DGKB: variants seen among roughly 807,000 people sequenced by gnomAD.
The protein encoded by DGKB is diacylglycerol kinase beta.
A neutral mutation model predicts 114.3 loss-of-function variants in DGKB; 67 were observed. The ratio of observed to expected loss-of-function variants is 0.59; its 90% CI spans 0.48 to 0.72. The LOEUF (loss-of-function observed/expected upper bound fraction) is 0.72. Among genes scored for constraint, DGKB ranks in the 30% least tolerant of loss-of-function variants. The probability of loss-of-function intolerance (pLI) is 0.00; values close to 1 mark genes in which losing one functional copy is unlikely to be tolerated. For synonymous variants in DGKB, 398 were observed against 323.1 expected, an observed-to-expected ratio of 1.23 and a Z score of -2.49; for missense variants, 907 against 975.2, an observed-to-expected ratio of 0.93 and a Z score of 0.93.
chr7:14,296,474 T>A (rs1300518844), intron 23 of DGKB, among the ~76,000 whole-genome samples: 1 of 152,214 alleles, frequency 6.6e-6, no homozygotes, highest in African/African-American at 2.4e-5. Flanking sequence ...TATGTGTGCA[T>A]CTGTCTTTAT....
chr7:14,196,169 G>C (rs1231554738), intron 23 of DGKB, among the ~76,000 whole-genome samples: 2 of 152,064 alleles, frequency 1.3e-5, no homozygotes, highest in Admixed American at 6.6e-5. Context: ...GAGTTTTGCT[G>C]TTAATGCAGG....
intron 23 of DGKB, among the ~76,000 whole-genome samples, chr7:14,231,463 CTATT>C (rs969221290): frequency 6.6e-6 from 1 of 151,722 alleles, no homozygotes; most frequent in African/African-American, 2.4e-5. Flanking sequence ...CTACAAAAAA[CTATT>C]TAATAAAAAT....
At chr7:14,739,417 T>G (rs1420210019) in intron 4 of DGKB, among the ~76,000 whole-genome samples, 1 of 152,206 alleles carries the variant, frequency 6.6e-6, no homozygotes, top group East Asian at 1.9e-4. Context: ...AATCTTGGCC[T>G]CTTCAGCTCA....
chr7:14,913,245 G>A (rs1024532019), intron 1 of DGKB, among the ~76,000 whole-genome samples: 12 of 151,544 alleles, frequency 7.9e-5, no homozygotes, highest in Admixed American at 3.3e-4. Context: ...TTCACACTCC[G>A]CTCTGTTCTC....
intron 2 of DGKB, among the ~76,000 whole-genome samples, chr7:14,791,942 C>A (rs1225338116): frequency 6.6e-6 from 1 of 151,860 alleles, no homozygotes; most frequent in Admixed American, 6.6e-5. Context: ...TATTTTTACT[C>A]TTTGGTTCTG....
chr7:14,837,275 C>G (rs1847288685), intron 2 of DGKB, among the ~76,000 whole-genome samples: 1 of 152,076 alleles, frequency 6.6e-6, no homozygotes, highest in Non-Finnish European at 1.5e-5. Flanking sequence ...TTAAGAAAAG[C>G]CTAGCATTTA....
At chr7:14,703,882 T>C (rs577429421) in intron 6 of DGKB, among the ~76,000 whole-genome samples, 2 of 152,202 alleles carry the variant, frequency 1.3e-5, no homozygotes, top group Non-Finnish European at 2.9e-5. Flanking sequence ...TTCCCAAGGA[T>C]AGTGTGTACT....
chr7:14,738,331 T>G (rs560364935), intron 4 of DGKB, among the ~76,000 whole-genome samples: 128 of 152,332 alleles, frequency 8.4e-4, no homozygotes, highest in Non-Finnish European at 1.6e-3. Flanking sequence ...TAGCGCTTCC[T>G]TCTGTTCCTA....
chr7:14,597,752 T>C (rs35623801), intron 17 of DGKB, among the ~76,000 whole-genome samples: 428 of 152,070 alleles, frequency 2.8e-3, no homozygotes, highest in South Asian at 6.8e-3. Flanking sequence ...TTGAGTCTTA[T>C]TATTATTATT....
At chr7:14,149,756 G>C (rs887577603) in intron 25 of DGKB, among the ~76,000 whole-genome samples, 5 of 150,330 alleles carry the variant, frequency 3.3e-5, no homozygotes, top group African/African-American at 1.2e-4. Flanking sequence ...ACAGTCATTA[G>C]AAATGAAAGT....
At chr7:14,428,904 A>T (rs1000847428) in intron 21 of DGKB, among the ~76,000 whole-genome samples, 19 of 152,022 alleles carry the variant, frequency 1.2e-4, no homozygotes, top group African/African-American at 4.6e-4. Context: ...TTTACTAAGG[A>T]CTCTTTGTAA....
At chr7:14,291,252 C>G (rs977633145) in intron 23 of DGKB, among the ~76,000 whole-genome samples, 1 of 151,386 alleles carries the variant, frequency 6.6e-6, no homozygotes, top group Non-Finnish European at 1.5e-5. Context: ...CATGGTGCTA[C>G]CATTAAAGTA....
chr7:14,460,103 A>G (rs1043546243), intron 21 of DGKB, among the ~76,000 whole-genome samples: 2 of 152,206 alleles, frequency 1.3e-5, no homozygotes, highest in Admixed American at 1.3e-4. Flanking sequence ...AGAAAGCACT[A>G]AATATGGAAA....
chr7:14,453,988 A>C (rs1455907911), intron 21 of DGKB, among the ~76,000 whole-genome samples: 1 of 152,104 alleles, frequency 6.6e-6, no homozygotes, highest in African/African-American at 2.4e-5. Flanking sequence ...GAAGTGTTTC[A>C]TTAATATTAT....
chr7:14,515,571 C>A (rs1309581729), intron 20 of DGKB, among the ~76,000 whole-genome samples: 1 of 152,176 alleles, frequency 6.6e-6, no homozygotes, highest in Non-Finnish European at 1.5e-5. Context: ...GATTTAGGCA[C>A]CTCATCCAAA....
chr7:14,166,197 C>T (rs1043060996), intron 25 of DGKB, among the ~76,000 whole-genome samples: 19 of 152,276 alleles, frequency 1.2e-4, no homozygotes, highest in East Asian at 1.9e-4. Context: ...CATCATTACT[C>T]GCCTATAGAA....
At chr7:14,793,625 T>C (rs1840999838) in intron 2 of DGKB, among the ~76,000 whole-genome samples, 2 of 152,144 alleles carry the variant, frequency 1.3e-5, no homozygotes, top group Admixed American at 6.6e-5. Flanking sequence ...AGGAGAAGGA[T>C]GTACATAAAC....
rs138184766 is a variant in DGKB at position 14,844,089 on chromosome 7, G to C, written c.-187-2639C>G. ...CAAGAAAGATAGTGAAAATAAATCT[G>C]TTTAAATGACTGCATTCCCTAGATT... is the stretch of plus-strand genomic sequence containing the variant. On this transcript the variant is annotated intron_variant, in intron 1 of 25. Coordinates refer to ENST00000402815, the MANE Select transcript of DGKB (RefSeq NM_001350709.2). 8.5e-3 allele frequency among the ~76,000 whole-genome samples: 1,301 copies of C among 152,322 alleles called. 14 individuals are homozygous for C. The highest frequency in any genetic ancestry group is 0.041 in the Middle Eastern group (12 of 294).
intron 21 of DGKB, among the ~76,000 whole-genome samples, chr7:14,405,330 T>C (rs1207304289): frequency 6.6e-6 from 1 of 152,010 alleles, no homozygotes; most frequent in Non-Finnish European, 1.5e-5. Context: ...GAATCTACCA[T>C]GTTATTAGCT....
Sources: gnomAD v4.1 joint callset for allele counts (sites outside exome capture counted in the v4.1 genomes callset) on GRCh38, gnomAD v4.1.1 for gene constraint, MANE v1.5 for transcripts, NCBI Gene and HGNC (gene_info 2026-07-23, HGNC 2026-07-21) for gene names.